CDH13: variants seen among roughly 807,000 people sequenced by gnomAD.
The protein encoded by CDH13 is cadherin 13.
CDH13 carries 24 observed loss-of-function variants against 63.8 expected under a neutral mutation model. That is an observed-to-expected ratio of 0.38 (90% CI 0.27 to 0.53). The LOEUF is 0.53. Ranked by LOEUF, CDH13 falls within the 20% of genes least tolerant of loss-of-function variation. CDH13 has a pLI of 0.85. For missense variants in CDH13, 1,049 were observed against 903.1 expected (o/e 1.16, Z -2.07); for synonymous variants, 503 against 355.3 (o/e 1.42, Z -4.67).
chr16:83,150,081 A>G (rs181972183), intron 4 of CDH13, among the ~76,000 whole-genome samples: 59 of 152,286 alleles, frequency 3.9e-4, no homozygotes, highest in African/African-American at 1.4e-3. Flanking sequence ...TGAAGGTGAG[A>G]TAAGAGAGGT....
intron 4 of CDH13, 62 bp downstream of exon 4, chr16:83,125,563 C>G: frequency 2.4e-6 from 2 of 828,316 alleles, no homozygotes; most frequent in Admixed American, 2.0e-5. Context: ...GCACAGCAGA[C>G]TGAGTATGAC....
chr16:83,646,700 A>C lies in CDH13; in HGVS notation c.1102-24090A>C, dbSNP rs1293432257. Among the ~76,000 whole-genome samples, 72 of 80,040 alleles carry C rather than the reference A, an allele frequency of 9.0e-4. 1 individual carries two copies. The highest frequency in any genetic ancestry group is 4.8e-3 in the African/African-American group (71 of 14,822). 52.5% of individuals were successfully genotyped at this position (80,040 alleles called of 152,430 possible). A position where few individuals can be genotyped will look rare whatever the true frequency, so the allele number is the denominator to read the frequency against. ...AGAGCAAGACTCCGTCTCAAAAAAA[A>C]AAAAAAAAAAAAACACACACACACA... On this transcript the variant is annotated intron_variant, in intron 8 of 13. Coordinates refer to ENST00000567109, the MANE Select transcript of CDH13 (RefSeq NM_001257.5).
intron 6 of CDH13, among the ~76,000 whole-genome samples, chr16:83,438,019 C>A (rs1245245601): frequency 1.3e-5 from 2 of 152,160 alleles, no homozygotes; most frequent in African/African-American, 4.8e-5. Flanking sequence ...CAGCCACCCA[C>A]CCCTCACCGG....
chr16:83,700,986 A>G (rs72797242), intron 10 of CDH13, among the ~76,000 whole-genome samples: 15,758 of 152,166 alleles, frequency 0.1, 1,099 homozygotes, highest in Non-Finnish European at 0.15. Flanking sequence ...CAATAAAACA[A>G]CATTCTTCCC....
chr16:83,240,510 G>T (rs546903343), intron 5 of CDH13, among the ~76,000 whole-genome samples: 1 of 152,182 alleles, frequency 6.6e-6, no homozygotes, highest in Admixed American at 6.6e-5. Context: ...TGAGGCTAGA[G>T]TGCCCATGGC....
chr16:83,391,125 G>A (rs2091777417), intron 6 of CDH13, among the ~76,000 whole-genome samples: 1 of 152,122 alleles, frequency 6.6e-6, no homozygotes, highest in African/African-American at 2.4e-5. Flanking sequence ...GCTGCCCAGG[G>A]GGTCCTGAGA....
At chr16:82,776,370 G>A (rs2035497530) in intron 1 of CDH13, among the ~76,000 whole-genome samples, 1 of 152,164 alleles carries the variant, frequency 6.6e-6, no homozygotes, top group African/African-American at 2.4e-5. Flanking sequence ...ATCAAGGCCT[G>A]CATGCAAAAA....
chr16:83,102,957 T>C (rs2034568321), intron 3 of CDH13, among the ~76,000 whole-genome samples: 4 of 118,498 alleles, frequency 3.4e-5, no homozygotes, highest in Non-Finnish European at 7.2e-5. Context: ...TCTTTTTTTT[T>C]TTTTTTTTTT....
intron 1 of CDH13, among the ~76,000 whole-genome samples, chr16:82,692,249 A>C (rs543873486): frequency 4.3e-4 from 65 of 152,266 alleles, no homozygotes; most frequent in African/African-American, 1.6e-3. Flanking sequence ...AAATGTTCAC[A>C]CTCTGCCTTT....
chr16:83,722,173 C>A (rs1338005529), intron 10 of CDH13, among the ~76,000 whole-genome samples: 4 of 152,136 alleles, frequency 2.6e-5, no homozygotes, highest in Admixed American at 6.6e-5. Context: ...ACTTCGCTGC[C>A]TGCTAATTAT....
At chr16:83,353,391 A>G (rs1008932622) in intron 6 of CDH13, among the ~76,000 whole-genome samples, 3 of 151,590 alleles carry the variant, frequency 2.0e-5, no homozygotes, top group African/African-American at 7.3e-5. Flanking sequence ...ACCATTGCAC[A>G]TGTCAGGCCC....
At chr16:83,478,598 C>A (rs1229666816) in intron 6 of CDH13, among the ~76,000 whole-genome samples, 1 of 152,162 alleles carries the variant, frequency 6.6e-6, no homozygotes, top group African/African-American at 2.4e-5. Context: ...CAGGGAAGGG[C>A]CGCCAAAGGA....
intron 10 of CDH13, among the ~76,000 whole-genome samples, chr16:83,680,817 C>T (rs1022765396): frequency 9.9e-5 from 15 of 151,964 alleles, no homozygotes; most frequent in African/African-American, 3.6e-4. Flanking sequence ...TTGCATAGGT[C>T]AGCGCACCTA....
intron 10 of CDH13, among the ~76,000 whole-genome samples, chr16:83,737,668 C>G (rs113398348): frequency 6.6e-6 from 1 of 152,266 alleles, no homozygotes; most frequent in Non-Finnish European, 1.5e-5. Flanking sequence ...TTTGGTGAAT[C>G]AGAGCCACCT....
intron 6 of CDH13, among the ~76,000 whole-genome samples, chr16:83,394,304 G>A (rs917082663): frequency 1.6e-4 from 25 of 152,032 alleles, no homozygotes; most frequent in Non-Finnish European, 2.8e-4. Flanking sequence ...GCAGGGGTGC[G>A]GTTTTCAATT....
intron 6 of CDH13, among the ~76,000 whole-genome samples, chr16:83,356,228 GT>G (rs1567613771): frequency 0.015 from 1,327 of 88,668 alleles, 21 homozygotes; most frequent in African/African-American, 0.082. Flanking sequence ...GTGTGTGTGT[GT>G]GTGTGTGTGT....
At chr16:83,485,798 C>T (rs1023005630) in intron 6 of CDH13, among the ~76,000 whole-genome samples, 1 of 152,148 alleles carries the variant, frequency 6.6e-6, no homozygotes, top group Non-Finnish European at 1.5e-5. Flanking sequence ...TCTTTGTACT[C>T]CTGTTTCCCC....
At chr16:82,724,792 C>T (rs2032996118) in intron 1 of CDH13, among the ~76,000 whole-genome samples, 1 of 152,148 alleles carries the variant, frequency 6.6e-6, no homozygotes, top group South Asian at 2.1e-4. Context: ...AACCTACAAA[C>T]AGGGGAGCCA....
rs942388764 is a variant in CDH13 at position 82,663,181 on chromosome 16, T to C, written c.45+36044T>C. Among the ~76,000 whole-genome samples the C allele has an allele frequency of 4.6e-5, 7 of 152,164 alleles. No individual in the cohort carries two copies. In the East Asian group the frequency reaches 7.8e-4, roughly 17 times the overall value. On this transcript the variant is annotated intron_variant, in intron 1 of 13. Coordinates refer to ENST00000567109, the MANE Select transcript of CDH13 (RefSeq NM_001257.5). ...TGGCCCTTAGCCTCCACTAGGTTTTTTGTTTGTTTGTTTGTTTGTTTTGAG... is the reference window on the plus strand; with the variant it reads ...TGGCCCTTAGCCTCCACTAGGTTTTCTGTTTGTTTGTTTGTTTGTTTTGAG...
Sources: allele counts gnomAD v4.1 joint callset (sites outside exome capture counted in the v4.1 genomes callset), GRCh38; gene constraint gnomAD v4.1.1; transcripts MANE v1.5; gene names NCBI Gene and HGNC (gene_info 2026-07-23, HGNC 2026-07-21).